The following MGAT5 variants were observed in gnomAD, a reference collection of about 807,000 sequenced individuals.
The protein encoded by MGAT5 is alpha-1,6-mannosylglycoprotein 6-beta-N-acetylglucosaminyltransferase, also known as alpha-1,6-mannosylglycoprotein 6-beta-N-acetylglucosaminyltransferase A.
A neutral mutation model predicts 94.3 loss-of-function variants in MGAT5; 30 were observed. The observed-to-expected ratio is 0.32, with a 90% confidence interval of 0.24 to 0.43. MGAT5 has a LOEUF of 0.43. Ranked by LOEUF, MGAT5 falls within the 20% of genes least tolerant of loss-of-function variation. The pLI is 1.00. For synonymous variants in MGAT5, 310 were observed against 322.9 expected (o/e 0.96, Z 0.43); for missense variants, 691 against 905.5 (o/e 0.76, Z 3.04).
intron 1 of MGAT5, among the ~76,000 whole-genome samples, chr2:134,125,240 T>C (rs1017830253): frequency 6.6e-6 from 1 of 152,234 alleles, no homozygotes. Context: ...ATTCTGTTGT[T>C]ATTCCAAGTT....
At position 134,452,644 on chromosome 2, in the gene MGAT5, T is replaced by G. The variant is rs1020414602; in HGVS notation, c.*3797T>G. On this transcript the variant is annotated 3_prime_UTR_variant, in exon 16 of 16. Coordinates refer to ENST00000281923, the MANE Select transcript of MGAT5 (RefSeq NM_002410.5). ...GGTGGTTTACCTAGCTTGTGTATAT[T>G]AGACATTGCCACCCTCACCTCTGGC... 1 of 152,302 alleles carries G rather than the reference T, an allele frequency of 6.6e-6. No individual in the cohort carries two copies. The highest frequency in any genetic ancestry group is 2.4e-5 in the African/African-American group (1 of 41,562). The allele number at this position is 152,302 out of a possible 1,614,324, so 9.4% of individuals were successfully genotyped here. A position where few individuals can be genotyped will look rare whatever the true frequency, so the allele number is the denominator to read the frequency against.
chr2:134,374,741 C>G (rs1350051849), intron 10 of MGAT5, among the ~76,000 whole-genome samples: 3 of 152,158 alleles, frequency 2.0e-5, no homozygotes, highest in East Asian at 3.9e-4. Context: ...GCCTGTAATC[C>G]CAGTACTTTG....
chr2:134,298,404 T>C (rs548858660), intron 2 of MGAT5, among the ~76,000 whole-genome samples: 2 of 152,314 alleles, frequency 1.3e-5, no homozygotes, highest in African/African-American at 4.8e-5. Context: ...GGCCTATCTC[T>C]GTATTATTTA....
At chr2:134,164,983 G>T (rs1296177030) in intron 1 of MGAT5, among the ~76,000 whole-genome samples, 3 of 152,160 alleles carry the variant, frequency 2.0e-5, no homozygotes, top group Admixed American at 6.5e-5. Flanking sequence ...GTGTTGGTAG[G>T]GTATAAGATG....
chr2:134,173,965 T>C (rs1416021841), intron 1 of MGAT5, among the ~76,000 whole-genome samples: 1 of 152,240 alleles, frequency 6.6e-6, no homozygotes, highest in Non-Finnish European at 1.5e-5. Flanking sequence ...ACCCAGGTTA[T>C]AAATCATCAT....
chr2:134,177,217 A>G (rs1484258759), intron 1 of MGAT5, among the ~76,000 whole-genome samples: 1 of 145,698 alleles, frequency 6.9e-6, no homozygotes, highest in Non-Finnish European at 1.5e-5. Flanking sequence ...TCTTGTTCAT[A>G]GTTTTAGGTT....
chr2:134,262,524 A>G (rs1040832707), intron 1 of MGAT5, among the ~76,000 whole-genome samples: 1 of 151,098 alleles, frequency 6.6e-6, no homozygotes, highest in South Asian at 2.1e-4. Flanking sequence ...GACTATAGGC[A>G]TGTGCCACCA....
chr2:134,430,455 A>G (rs1335677527), intron 14 of MGAT5, among the ~76,000 whole-genome samples: 1 of 152,148 alleles, frequency 6.6e-6, no homozygotes, highest in East Asian at 1.9e-4. Context: ...CTTCACCTCT[A>G]TATCCCTAGT....
intron 1 of MGAT5, among the ~76,000 whole-genome samples, chr2:134,165,334 A>G (rs1202321309): frequency 6.6e-6 from 1 of 152,224 alleles, no homozygotes; most frequent in Non-Finnish European, 1.5e-5. Context: ...ACTCTAATGC[A>G]CATTAGAAAA....
Position 134,280,405 on chromosome 2 carries a change from G to A in MGAT5, c.406+9855G>A, listed in dbSNP as rs746696079. Among the ~76,000 whole-genome samples the A allele has an allele frequency of 3.3e-5, 5 of 152,310 alleles. No homozygotes were observed. The East Asian group carries it at 5.8e-4, about 18-fold the overall frequency. On this transcript the variant is annotated intron_variant, in intron 2 of 15. Transcript: ENST00000281923. ...TTATGTCAAGCAGAGGGCCCATGGC[G>A]TGGACAGAGTCACCCGAGGACGACA...
intron 2 of MGAT5, among the ~76,000 whole-genome samples, chr2:134,311,291 A>G (rs1386049857): frequency 1.3e-5 from 2 of 152,112 alleles, no homozygotes; most frequent in African/African-American, 4.8e-5. Context: ...TAAAATGGCA[A>G]TGGCGATGGA....
intron 15 of MGAT5, among the ~76,000 whole-genome samples, chr2:134,446,959 C>T (rs943456825): frequency 1.3e-5 from 2 of 152,188 alleles, no homozygotes; most frequent in African/African-American, 4.8e-5. Flanking sequence ...TGCGGGGAAT[C>T]GCAGGATTAA....
intron 14 of MGAT5, among the ~76,000 whole-genome samples, chr2:134,431,022 G>A (rs1411075282): frequency 6.6e-6 from 1 of 152,198 alleles, no homozygotes; most frequent in Non-Finnish European, 1.5e-5. Flanking sequence ...TCTTGCAGGA[G>A]GTGAGTCCTG....
Position 134,254,366 on chromosome 2 carries a change from C to T in MGAT5, c.-38C>T, listed in dbSNP as rs375743556. ...CATGAATTTGTGTCTATCTTCTACG[C>T]GTTAAGAGCCAAGGACAGGTGAAGT... On this transcript the variant is annotated 5_prime_UTR_variant, in exon 1 of 16. Coordinates refer to ENST00000281923, the MANE Select transcript of MGAT5 (RefSeq NM_002410.5). 2.0e-5 allele frequency: 32 copies of T among 1,611,020 alleles called. No individual in the cohort carries two copies. The highest frequency in any genetic ancestry group is 1.7e-4 in the Middle Eastern group (1 of 5,990).
chr2:134,378,671 A>C (rs935991633), intron 10 of MGAT5, among the ~76,000 whole-genome samples: 2 of 147,622 alleles, frequency 1.4e-5, no homozygotes, highest in Admixed American at 6.9e-5. Context: ...GCTTGTGTAC[A>C]GTGGCATGAT....
At chr2:134,143,554 G>T (rs1005484047) in intron 1 of MGAT5, among the ~76,000 whole-genome samples, 2 of 152,206 alleles carry the variant, frequency 1.3e-5, no homozygotes, top group South Asian at 4.1e-4. Flanking sequence ...TGGATGCCTG[G>T]GAAGCGTTGG....
At position 134,160,446 on chromosome 2, in the gene MGAT5, G is replaced by A. The variant is rs112022492; in HGVS notation, c.-143+40155G>A. On this transcript the variant is annotated intron_variant, in intron 1 of 16. Coordinates refer to the MGAT5 transcript ENST00000409645. ...CTCGGCCTCCCAAAGTGCTGGGATTGCAGGCCACTGCGCCTGGCCTGGTTT... is the reference window on the plus strand; with the variant it reads ...CTCGGCCTCCCAAAGTGCTGGGATTACAGGCCACTGCGCCTGGCCTGGTTT... 7.6e-3 allele frequency among the ~76,000 whole-genome samples: 1,159 copies of A among 152,322 alleles called. 11 individuals are homozygous for A. Among genetic ancestry groups the A allele is most frequent in the African/African-American group, 0.026 (1,065 of 41,572 alleles).
intron 2 of MGAT5, among the ~76,000 whole-genome samples, chr2:134,307,202 A>C (rs1686377985): frequency 6.6e-6 from 1 of 152,174 alleles, no homozygotes; most frequent in Non-Finnish European, 1.5e-5. Context: ...GCTGTTAATC[A>C]AAGAAGGGGG....
At chr2:134,369,753 G>GTGTGTGTGTGTA (rs1680666796) in intron 10 of MGAT5, among the ~76,000 whole-genome samples, 1 of 151,920 alleles carries the variant, frequency 6.6e-6, no homozygotes, top group Non-Finnish European at 1.5e-5. Flanking sequence ...GTGTGTGTGT[G>GTGTGTGTGTGTA]TGTGAATGAC....
Sources: allele counts gnomAD v4.1 joint callset (sites outside exome capture counted in the v4.1 genomes callset), GRCh38; gene constraint gnomAD v4.1.1; transcripts MANE v1.5; gene names NCBI Gene and HGNC (gene_info 2026-07-23, HGNC 2026-07-21).